PARD3B: variants seen among roughly 807,000 people sequenced by gnomAD.
PARD3B encodes partitioning defective 3 homolog B.
PARD3B carries 103 observed loss-of-function variants against 130.2 expected under a neutral mutation model. That is an observed-to-expected ratio of 0.79 (90% CI 0.67 to 0.93). The LOEUF is 0.93. Ranked by LOEUF, PARD3B falls within the 40% of genes least tolerant of loss-of-function variation. PARD3B has a pLI of 0.00. For synonymous variants in PARD3B, 583 were observed against 553.2 expected (o/e 1.05, Z -0.76); for missense variants, 1,609 against 1,499.2 (o/e 1.07, Z -1.21).
chr2:205,485,237 T>A (rs756812767), intron 20 of PARD3B, among the ~76,000 whole-genome samples: 21 of 152,210 alleles, frequency 1.4e-4, no homozygotes, highest in Non-Finnish European at 2.8e-4. Flanking sequence ...CCCAGATTCC[T>A]AATGGGAAAT....
At chr2:205,296,714 C>A (rs1192647505) in intron 16 of PARD3B, among the ~76,000 whole-genome samples, 1 of 150,062 alleles carries the variant, frequency 6.7e-6, no homozygotes, top group Non-Finnish European at 1.5e-5. Flanking sequence ...CTTTTCATAA[C>A]GCTGTATTTT....
chr2:205,308,467 C>T (rs1360596159), intron 18 of PARD3B, among the ~76,000 whole-genome samples: 2 of 151,866 alleles, frequency 1.3e-5, no homozygotes, highest in African/African-American at 2.4e-5. Context: ...ATTAGCCATG[C>T]GTGGTGGCGG....
At chr2:204,764,373 C>T (rs2041042045) in intron 2 of PARD3B, among the ~76,000 whole-genome samples, 1 of 152,104 alleles carries the variant, frequency 6.6e-6, no homozygotes, top group African/African-American at 2.4e-5. Flanking sequence ...GGCAAATCTC[C>T]TGTGTAGCCT....
intron 21 of PARD3B, among the ~76,000 whole-genome samples, chr2:205,537,752 G>A (rs910453824): frequency 1.3e-5 from 2 of 152,114 alleles, no homozygotes; most frequent in African/African-American, 4.8e-5. Flanking sequence ...ACACACACAT[G>A]GTCCTGGCAT....
chr2:205,348,384 C>T (rs762187666), intron 18 of PARD3B, among the ~76,000 whole-genome samples: 7 of 152,150 alleles, frequency 4.6e-5, no homozygotes, highest in Non-Finnish European at 1.0e-4. Context: ...TTCTTCTATA[C>T]CAAAGTCACA....
intron 10 of PARD3B, among the ~76,000 whole-genome samples, chr2:205,134,991 C>A (rs941303216): frequency 6.6e-6 from 1 of 152,124 alleles, no homozygotes; most frequent in African/African-American, 2.4e-5. Flanking sequence ...CGTTGTCTTG[C>A]AAAGTTAACA....
At chr2:205,498,803 A>G (rs1295235065) in intron 20 of PARD3B, among the ~76,000 whole-genome samples, 1 of 152,098 alleles carries the variant, frequency 6.6e-6, no homozygotes, top group African/African-American at 2.4e-5. Context: ...CACCTCCTCC[A>G]TGGAGCCTTC....
At chr2:204,628,005 G>A (rs1363180463) in intron 1 of PARD3B, among the ~76,000 whole-genome samples, 3 of 144,634 alleles carry the variant, frequency 2.1e-5, no homozygotes, top group Admixed American at 7.0e-5. Context: ...TTTTTTAGCT[G>A]ATTAGTGATC....
intron 14 of PARD3B, among the ~76,000 whole-genome samples, chr2:205,188,874 A>C (rs1478130234): frequency 6.6e-6 from 1 of 152,090 alleles, no homozygotes. Flanking sequence ...GAAAACTGCT[A>C]TGGCGTGAGG....
intron 22 of PARD3B, among the ~76,000 whole-genome samples, chr2:205,570,574 C>G (rs1479310617): frequency 6.6e-6 from 1 of 152,176 alleles, no homozygotes; most frequent in African/African-American, 2.4e-5. Flanking sequence ...TATTTCCATT[C>G]TGGATGCTGC....
At chr2:205,410,214 G>C (rs1559067324) in intron 19 of PARD3B, among the ~76,000 whole-genome samples, 1 of 152,156 alleles carries the variant, frequency 6.6e-6, no homozygotes, top group Non-Finnish European at 1.5e-5. Context: ...TGAGTGTCAT[G>C]TCAGCCCTCA....
chr2:205,583,445 C>T (rs2054077982), intron 22 of PARD3B, among the ~76,000 whole-genome samples: 1 of 151,562 alleles, frequency 6.6e-6, no homozygotes, highest in African/African-American at 2.4e-5. Context: ...GATGCACATA[C>T]TACTCTGGAT....
rs115111446 is a variant in PARD3B, at chr2:205,423,654, G to A, written c.2742-16716G>A. On this transcript the variant is annotated intron_variant, in intron 19 of 22. Coordinates refer to ENST00000406610, the MANE Select transcript of PARD3B (RefSeq NM_001302769.2). ...CAACCCTATTCACAATAGGGTTCAC[G>A]ACATGGAATAATATTCACAACATGG... 6.3e-3 allele frequency among the ~76,000 whole-genome samples: 955 copies of A among 152,128 alleles called. 19 individuals carry two copies. Among genetic ancestry groups the A allele is most frequent in the African/African-American group, 0.022 (907 of 41,522 alleles).
intron 2 of PARD3B, among the ~76,000 whole-genome samples, chr2:204,790,214 T>G (rs2042153825): frequency 6.6e-6 from 1 of 152,200 alleles, no homozygotes. Context: ...TTAGACCTCT[T>G]GAGTTGCATT....
chr2:204,861,958 G>T (rs2045226285), intron 2 of PARD3B, among the ~76,000 whole-genome samples: 1 of 134,682 alleles, frequency 7.4e-6, no homozygotes, highest in African/African-American at 3.3e-5. Flanking sequence ...AAAAGAAATG[G>T]CTGAAAGTTT....
chr2:204,982,477 G>A (rs913308829), intron 3 of PARD3B, among the ~76,000 whole-genome samples: 4 of 152,132 alleles, frequency 2.6e-5, no homozygotes, highest in African/African-American at 9.7e-5. Flanking sequence ...CAGGGGCTTG[G>A]CCACATGCTG....
intron 21 of PARD3B, among the ~76,000 whole-genome samples, chr2:205,507,365 C>T (rs570485714): frequency 3.6e-4 from 55 of 151,930 alleles, no homozygotes; most frequent in African/African-American, 1.3e-3. Flanking sequence ...CAGGCACCCA[C>T]CACCACGCCC....
At chr2:205,095,003 T>G (rs569024331) in intron 4 of PARD3B, among the ~76,000 whole-genome samples, 11 of 152,186 alleles carry the variant, frequency 7.2e-5, no homozygotes, top group Non-Finnish European at 1.2e-4. Context: ...TTGACAGACC[T>G]GGATTCTAAA....
intron 1 of PARD3B, among the ~76,000 whole-genome samples, chr2:204,652,146 A>C (rs913140792): frequency 2.6e-5 from 4 of 152,004 alleles, no homozygotes; most frequent in Admixed American, 2.6e-4. Context: ...ACTTATGCAA[A>C]TTTCTGCAGC....
Sources: allele counts gnomAD v4.1 joint callset (sites outside exome capture counted in the v4.1 genomes callset), GRCh38; gene constraint gnomAD v4.1.1; transcripts MANE v1.5; gene names NCBI Gene and HGNC (gene_info 2026-07-23, HGNC 2026-07-21).